FMNL2: variants seen among roughly 807,000 people sequenced by gnomAD.
FMNL2 encodes formin like 2.
A neutral mutation model predicts 130.2 loss-of-function variants in FMNL2; 51 were observed. The ratio of observed to expected loss-of-function variants is 0.39; its 90% CI spans 0.31 to 0.49. FMNL2 has a LOEUF of 0.49. Ranked by LOEUF, FMNL2 falls within the 20% of genes least tolerant of loss-of-function variation. The pLI, the probability that FMNL2 is intolerant of heterozygous loss-of-function variation, is 0.85. For synonymous variants in FMNL2, 465 were observed against 467.1 expected (o/e 1.00, Z 0.06); for missense variants, 977 against 1,316.2 (o/e 0.74, Z 3.99).
chr2:152,390,332 C>G, intron 1 of FMNL2: 2 of 1,193,984 alleles, frequency 1.7e-6, no homozygotes, highest in Non-Finnish European at 2.5e-6. Flanking sequence ...TAGGGGAGAG[C>G]TCGTGGCTCA....
At chr2:152,390,133 AC>A in intron 1 of FMNL2, 1 of 1,284,136 alleles carries the variant, frequency 7.8e-7, no homozygotes, top group South Asian at 1.2e-5. Flanking sequence ...AACCTAGGCA[AC>A]GGGGCAGACC....
At chr2:152,456,936 C>CAA (rs59672196) in intron 1 of FMNL2, among the ~76,000 whole-genome samples, 36 of 96,680 alleles carry the variant, frequency 3.7e-4, no homozygotes, top group African/African-American at 8.2e-4. Context: ...GACTCCCTTT[C>CAA]AAAAAAAAAA....
intron 1 of FMNL2, among the ~76,000 whole-genome samples, chr2:152,483,578 A>T (rs1690652453): frequency 6.6e-6 from 1 of 152,168 alleles, no homozygotes; most frequent in Non-Finnish European, 1.5e-5. Context: ...TCAGGATCTG[A>T]ACAGCAAATG....
At chr2:152,521,675 G>C (rs974143402) in intron 1 of FMNL2, among the ~76,000 whole-genome samples, 3 of 152,144 alleles carry the variant, frequency 2.0e-5, no homozygotes, top group East Asian at 1.9e-4. Flanking sequence ...AAGCGACAAG[G>C]CATCACCTTT....
At chr2:152,459,166 A>T (rs1211648966) in intron 1 of FMNL2, among the ~76,000 whole-genome samples, 1 of 152,222 alleles carries the variant, frequency 6.6e-6, no homozygotes, top group Non-Finnish European at 1.5e-5. Flanking sequence ...AAGATTTGAA[A>T]AAATGGAAGA....
chr2:152,495,077 A>G (rs183528296), intron 1 of FMNL2, among the ~76,000 whole-genome samples: 2 of 152,242 alleles, frequency 1.3e-5, no homozygotes, highest in East Asian at 3.9e-4. Context: ...GCGTTGGAAC[A>G]CCCGATTTGT....
chr2:152,545,218 G>A (rs2105508671), intron 3 of FMNL2, among the ~76,000 whole-genome samples: 2 of 152,282 alleles, frequency 1.3e-5, no homozygotes, highest in Non-Finnish European at 2.9e-5. Flanking sequence ...GTTGAAATAA[G>A]ACATGGCTTG....
intron 6 of FMNL2, among the ~76,000 whole-genome samples, chr2:152,569,011 C>G (rs984757853): frequency 6.6e-6 from 1 of 151,968 alleles, no homozygotes; most frequent in African/African-American, 2.4e-5. Context: ...TTAGTACTTA[C>G]GTTTACCACC....
intron 1 of FMNL2, among the ~76,000 whole-genome samples, chr2:152,406,053 G>T (rs1359055725): frequency 6.6e-6 from 1 of 152,050 alleles, no homozygotes; most frequent in Non-Finnish European, 1.5e-5. Flanking sequence ...TATATCTCTT[G>T]TGACTACAAA....
chr2:152,467,790 A>C (rs969345432), intron 1 of FMNL2, among the ~76,000 whole-genome samples: 1 of 152,224 alleles, frequency 6.6e-6, no homozygotes, highest in Admixed American at 6.5e-5. Flanking sequence ...AGGCCTGGTC[A>C]ACTGTTGATG....
chr2:152,537,132 T>G (rs931338715), intron 2 of FMNL2, among the ~76,000 whole-genome samples: 1 of 152,348 alleles, frequency 6.6e-6, no homozygotes, highest in Middle Eastern at 3.4e-3. Flanking sequence ...AACTTAAGTC[T>G]GCCTGCCTGT....
intron 1 of FMNL2, among the ~76,000 whole-genome samples, chr2:152,381,572 G>C (rs560340685): frequency 6.6e-6 from 1 of 152,258 alleles, no homozygotes; most frequent in Admixed American, 6.5e-5. Context: ...GCTCTGTGTG[G>C]GGTCATGAGA....
At position 152,624,380 on chromosome 2, in the gene FMNL2, ACTT is replaced by A. The variant is rs1681624355; in HGVS notation, c.1838-1055_1838-1053del. On this transcript the variant is annotated intron_variant, in intron 15 of 25. Coordinates refer to ENST00000288670, the MANE Select transcript of FMNL2 (RefSeq NM_052905.4). The stretch of plus-strand genomic sequence containing the variant: ...ACCATGTTGGCCAGGCTGGTCTTGA[ACTT>A]CTGACCTCAGGTGATCCACCTGCCT... Among the ~76,000 whole-genome samples the A allele has an allele frequency of 2.0e-5, 3 of 151,266 alleles. No individual in the cohort carries two copies. The South Asian group carries it at 6.3e-4, about 32-fold the overall frequency.
Position 152,533,546 on chromosome 2 carries a change from C to CTT in FMNL2, c.202-9173_202-9172dup, listed in dbSNP as rs35382323. On this transcript the variant is annotated intron_variant, in intron 2 of 25. Transcript: ENST00000288670. ...AAATCAGGTAGTGTCAATTCTCCAACTTTTTTTTTTTTTTTTTTTTTGCTA... is the reference window on the plus strand; with the variant it reads ...AAATCAGGTAGTGTCAATTCTCCAACTTTTTTTTTTTTTTTTTTTTTTTGCTA... 6.9e-5 allele frequency among the ~76,000 whole-genome samples: 8 copies of CTT among 115,322 alleles called. No homozygotes were observed. The East Asian group carries it at 7.6e-4, about 11-fold the overall frequency. The allele number at this position is 115,322 out of a possible 152,430, so 75.7% of individuals were successfully genotyped here. A position where few individuals can be genotyped will look rare whatever the true frequency, so the allele number is the denominator to read the frequency against.
rs77866459 is a variant in FMNL2, at chr2:152,488,922, T to A, written c.118-33021T>A. ...GACTCCATCTACAAAAAATAAAAAA[T>A]TAGCCAGGTGTGGTAGCATGTGCCT... On this transcript the variant is annotated intron_variant, in intron 1 of 25. Transcript: ENST00000288670. 4.4e-3 allele frequency among the ~76,000 whole-genome samples: 668 copies of A among 151,832 alleles called. 4 individuals are homozygous for A. Among genetic ancestry groups the A allele is most frequent in the African/African-American group, 0.015 (640 of 41,374 alleles).
At chr2:152,390,305 C>G in intron 1 of FMNL2, 2 of 1,291,536 alleles carry the variant, frequency 1.5e-6, no homozygotes, top group Non-Finnish European at 1.1e-6. Flanking sequence ...ATGGGGAGCT[C>G]TACAACGAAG....
chr2:152,510,355 C>A (rs1692429720), intron 1 of FMNL2, among the ~76,000 whole-genome samples: 1 of 152,134 alleles, frequency 6.6e-6, no homozygotes, highest in Admixed American at 6.6e-5. Flanking sequence ...AATTATTTTT[C>A]CTTCCAGGGA....
At chr2:152,621,239 C>T (rs778037169) in intron 15 of FMNL2, 68 of 706,692 alleles carry the variant, frequency 9.6e-5, no homozygotes, top group East Asian at 1.3e-4. Flanking sequence ...CTCTGACAAA[C>T]GCTGATGTGT....
Position 152,617,161 on chromosome 2 carries a change from T to C in FMNL2, c.1283T>C (p.Met428Thr), listed in dbSNP as rs1281468614. ...SKIVELEKQL[M>T]QRNKELDVVR... ...ATTGTGGAACTGGAAAAGCAACTCA[T>C]GCAGAGGAACAAGGAGCTGGATGTC... The change falls in exon 13 of 26, where the codon ATG (methionine) becomes ACG (threonine). Residue 428 changes from methionine (M) to threonine (T), a missense_variant. This residue lies in a region of FMNL2 where 689 missense variants were observed against 995.9 expected (regional missense o/e 0.69). Transcript: ENST00000288670. 2 of 1,613,824 alleles carry C rather than the reference T, an allele frequency of 1.2e-6. No homozygotes were observed. The highest frequency in any genetic ancestry group is 3.3e-5 in the Admixed American group (2 of 60,000).
Sources: allele counts gnomAD v4.1 joint callset (sites outside exome capture counted in the v4.1 genomes callset), GRCh38; gene constraint gnomAD v4.1.1; regional missense constraint gnomAD v4.1.1; transcripts MANE v1.5; gene names NCBI Gene and HGNC (gene_info 2026-07-23, HGNC 2026-07-21).